Variants in SPMIP7 observed in about 807,000 individuals in gnomAD.
SPMIP7 encodes protein SPMIP7.
the SPMIP7 span, among the ~76,000 whole-genome samples, chr7:50,131,545 G>A: frequency 6.6e-6 from 1 of 152,266 alleles, no homozygotes; most frequent in South Asian, 2.1e-4. Flanking sequence ...CACTAAAGGT[G>A]AAGTATAGTC....
At chr7:50,098,338 G>A in the SPMIP7 span, among the ~76,000 whole-genome samples, 2 of 152,164 alleles carry the variant, frequency 1.3e-5, no homozygotes, top group South Asian at 4.2e-4. Flanking sequence ...ATTACATTCA[G>A]ATCCTTTATA....
At chr7:50,113,680 C>T in the SPMIP7 span, among the ~76,000 whole-genome samples, 8 of 151,314 alleles carry the variant, frequency 5.3e-5, no homozygotes, top group African/African-American at 1.7e-4. Context: ...TCAGTTACTG[C>T]GGAACGGTAT....
At chr7:50,122,807 C>T in the SPMIP7 span, among the ~76,000 whole-genome samples, 1 of 151,894 alleles carries the variant, frequency 6.6e-6, no homozygotes, top group Non-Finnish European at 1.5e-5. Context: ...CCAAAAAACA[C>T]ATGAAAAAAT....
At chr7:50,096,336 A>T in the SPMIP7 span, 4 of 1,552,016 alleles carry the variant, frequency 2.6e-6, no homozygotes, top group African/African-American at 1.4e-5. Context: ...CATGATCCTT[A>T]TCCCCCACCA....
chr7:50,107,402 G>GA, the SPMIP7 span, among the ~76,000 whole-genome samples: 71,886 of 97,974 alleles, frequency 0.73, 24,745 homozygotes, highest in East Asian at 0.78. Context: ...AAAAGAAAAA[G>GA]AAAAAAAAAA....
At chr7:50,141,159 A>C in the SPMIP7 span, 1 of 600,968 alleles carries the variant, frequency 1.7e-6, no homozygotes, top group Non-Finnish European at 3.0e-6. Flanking sequence ...TACATTTTGC[A>C]TTTTGAGCCT....
the SPMIP7 span, among the ~76,000 whole-genome samples, chr7:50,097,060 C>T: frequency 2.6e-5 from 4 of 152,278 alleles, no homozygotes; most frequent in Non-Finnish European, 5.9e-5. Flanking sequence ...AGTACTTGAA[C>T]GTACATTTTT....
At chr7:50,112,577 C>T in the SPMIP7 span, among the ~76,000 whole-genome samples, 1 of 152,136 alleles carries the variant, frequency 6.6e-6, no homozygotes, top group Non-Finnish European at 1.5e-5. Flanking sequence ...GTAACGGGCA[C>T]TCAAGCTACT....
At chr7:50,129,853 A>T in the SPMIP7 span, 2 of 1,070,756 alleles carry the variant, frequency 1.9e-6, no homozygotes, top group Non-Finnish European at 2.8e-6. Flanking sequence ...CCTTTATGAC[A>T]CATCCTCTTT....
At chr7:50,101,151 T>C in the SPMIP7 span, among the ~76,000 whole-genome samples, 66 of 152,362 alleles carry the variant, frequency 4.3e-4, no homozygotes, top group African/African-American at 1.4e-3. Context: ...ACTTCCCATG[T>C]TGACATTGGG....
At chr7:50,111,192 A>G in the SPMIP7 span, among the ~76,000 whole-genome samples, 74 of 151,222 alleles carry the variant, frequency 4.9e-4, no homozygotes, top group Non-Finnish European at 1.0e-4. Flanking sequence ...TCCCTTGGCC[A>G]TGGAAAACTA....
At chr7:50,125,310 C>A in the SPMIP7 span, among the ~76,000 whole-genome samples, 1,009 of 20,182 alleles carry the variant, frequency 0.05, 61 homozygotes, top group Non-Finnish European at 0.061. Flanking sequence ...ATATATATAC[C>A]CATATATACA....
chr7:50,105,618 C>T, the SPMIP7 span, among the ~76,000 whole-genome samples: 2 of 152,110 alleles, frequency 1.3e-5, no homozygotes, highest in East Asian at 1.9e-4. Flanking sequence ...AAGTATATGT[C>T]CTCAATGCCT....
the SPMIP7 span, among the ~76,000 whole-genome samples, chr7:50,143,580 A>G: frequency 6.6e-6 from 1 of 152,246 alleles, no homozygotes; most frequent in Admixed American, 6.5e-5. Flanking sequence ...TTCCTTCATT[A>G]GTTGATTTTG....
the SPMIP7 span, among the ~76,000 whole-genome samples, chr7:50,114,411 C>T: frequency 2.0e-5 from 3 of 151,900 alleles, no homozygotes; most frequent in African/African-American, 7.3e-5. Context: ...TTTTTTTACA[C>T]TATTTTTGAA....
chr7:50,129,200 G>A, the SPMIP7 span, among the ~76,000 whole-genome samples: 2 of 151,288 alleles, frequency 1.3e-5, no homozygotes, highest in Non-Finnish European at 1.5e-5. Flanking sequence ...AGTACCTAGG[G>A]GAGAAAAAAC....
chr7:50,132,382 C>T, the SPMIP7 span, among the ~76,000 whole-genome samples: 1 of 152,038 alleles, frequency 6.6e-6, no homozygotes. Flanking sequence ...TTTAAAAATT[C>T]CAGTGATCAT....
At chr7:50,121,626 C>T in the SPMIP7 span, among the ~76,000 whole-genome samples, 6 of 151,978 alleles carry the variant, frequency 3.9e-5, no homozygotes, top group East Asian at 1.2e-3. Context: ...CAGTTAAACA[C>T]TGTTCAATTT....
At chr7:50,135,517 C>T in the SPMIP7 span, among the ~76,000 whole-genome samples, 47 of 151,958 alleles carry the variant, frequency 3.1e-4, no homozygotes, top group African/African-American at 1.1e-3. Flanking sequence ...TATAAAGACT[C>T]AAACCTGAGA....
Sources: gnomAD v4.1 joint callset for allele counts (sites outside exome capture counted in the v4.1 genomes callset) on GRCh38, gnomAD v4.1.1 for gene constraint, MANE v1.5 for transcripts, NCBI Gene and HGNC (gene_info 2026-07-23, HGNC 2026-07-21) for gene names.